The following ZNF385D variants were observed in gnomAD, a reference collection of about 807,000 sequenced individuals.
ZNF385D encodes the protein zinc finger protein 659.
Under a neutral mutation model 35.8 loss-of-function variants are expected in ZNF385D, and 15 were observed. The ratio of observed to expected loss-of-function variants is 0.42; its 90% CI spans 0.28 to 0.64. The LOEUF is 0.64. ZNF385D is among the 30% of genes least tolerant of loss of function. The pLI, the probability that ZNF385D is intolerant of heterozygous loss-of-function variation, is 0.23. For missense variants in ZNF385D, 474 were observed against 494.6 expected, an observed-to-expected ratio of 0.96 and a Z score of 0.39; for synonymous variants, 212 against 186.8, an observed-to-expected ratio of 1.13 and a Z score of -1.10.
chr3:22,195,573 G>A (rs183376691), intron 2 of ZNF385D, among the ~76,000 whole-genome samples: 1 of 151,874 alleles, frequency 6.6e-6, no homozygotes, highest in Admixed American at 6.6e-5. Flanking sequence ...TGAAATCTGT[G>A]GTCCAAACAT....
chr3:21,882,534 T>C (rs989166977), intron 3 of ZNF385D, among the ~76,000 whole-genome samples: 1 of 152,018 alleles, frequency 6.6e-6, no homozygotes, highest in African/African-American at 2.4e-5. Context: ...ACTCTCTTTA[T>C]TGTGATATTT....
At chr3:21,558,966 A>G (rs2062840665) in intron 3 of ZNF385D, among the ~76,000 whole-genome samples, 1 of 147,588 alleles carries the variant, frequency 6.8e-6, no homozygotes, top group African/African-American at 2.5e-5. Context: ...CTGTTTTATC[A>G]GATACTAGGA....
chr3:22,158,568 C>G (rs1315922562), intron 3 of ZNF385D, among the ~76,000 whole-genome samples: 1 of 150,996 alleles, frequency 6.6e-6, no homozygotes, highest in Non-Finnish European at 1.5e-5. Context: ...TGTATCTGGG[C>G]TGCTATTTTT....
At chr3:22,238,786 A>G (rs1431091796) in intron 2 of ZNF385D, among the ~76,000 whole-genome samples, 1 of 150,838 alleles carries the variant, frequency 6.6e-6, no homozygotes, top group African/African-American at 2.5e-5. Flanking sequence ...AGACTGAGGT[A>G]TAGTGTTGTG....
At chr3:21,724,604 A>G (rs190185433) in intron 1 of ZNF385D, among the ~76,000 whole-genome samples, 76 of 152,006 alleles carry the variant, frequency 5.0e-4, no homozygotes, top group Non-Finnish European at 8.7e-4. Flanking sequence ...ACATAAGGGT[A>G]AAGGGATCAA....
At chr3:21,698,161 A>G (rs1216603748) in intron 1 of ZNF385D, among the ~76,000 whole-genome samples, 2 of 152,210 alleles carry the variant, frequency 1.3e-5, no homozygotes, top group Non-Finnish European at 2.9e-5. Context: ...TGTTTATTGC[A>G]GCACTATTCA....
At chr3:21,629,392 T>G (rs2065220011) in intron 2 of ZNF385D, among the ~76,000 whole-genome samples, 2 of 152,136 alleles carry the variant, frequency 1.3e-5, no homozygotes, top group Non-Finnish European at 2.9e-5. Context: ...CCAGGCTTAT[T>G]TGTCTATTAC....
At chr3:21,501,788 C>T (rs1004200407) in intron 4 of ZNF385D, among the ~76,000 whole-genome samples, 3 of 152,172 alleles carry the variant, frequency 2.0e-5, no homozygotes, top group African/African-American at 7.2e-5. Flanking sequence ...AAAAACTCTC[C>T]ATGAACTCAC....
intron 3 of ZNF385D, among the ~76,000 whole-genome samples, chr3:21,528,229 T>C (rs988870128): frequency 5.3e-5 from 8 of 152,038 alleles, no homozygotes; most frequent in Non-Finnish European, 1.0e-4. Flanking sequence ...AGAGTATAAT[T>C]CCCACTTTCT....
intron 3 of ZNF385D, among the ~76,000 whole-genome samples, chr3:21,557,220 A>C (rs1396019534): frequency 6.6e-6 from 1 of 152,182 alleles, no homozygotes; most frequent in African/African-American, 2.4e-5. Flanking sequence ...GAGTGGTGAG[A>C]GAGGGCATCC....
At chr3:21,522,411 C>T (rs1030969423) in intron 3 of ZNF385D, among the ~76,000 whole-genome samples, 8 of 152,132 alleles carry the variant, frequency 5.3e-5, no homozygotes, top group Admixed American at 5.2e-4. Flanking sequence ...GATCTTGGCT[C>T]ATCACAGCAA....
intron 3 of ZNF385D, among the ~76,000 whole-genome samples, chr3:22,063,376 T>A (rs925950134): frequency 6.6e-6 from 1 of 152,250 alleles, no homozygotes; most frequent in East Asian, 1.9e-4. Flanking sequence ...TTAATAAAAA[T>A]TGAATAAAGC....
chr3:22,010,058 A>G (rs937694403), intron 3 of ZNF385D, among the ~76,000 whole-genome samples: 3 of 152,194 alleles, frequency 2.0e-5, no homozygotes, highest in African/African-American at 7.2e-5. Context: ...CCCACAATTA[A>G]GCTAATCATC....
At chr3:21,730,134 G>C (rs2068929738) in intron 1 of ZNF385D, among the ~76,000 whole-genome samples, 1 of 152,152 alleles carries the variant, frequency 6.6e-6, no homozygotes, top group South Asian at 2.1e-4. Context: ...ATTTGACCAT[G>C]GTCTTTCACC....
chr3:21,932,194 A>AAAAAAAAAG (rs1701047571), intron 3 of ZNF385D, among the ~76,000 whole-genome samples: 1 of 140,808 alleles, frequency 7.1e-6, no homozygotes, highest in Non-Finnish European at 1.5e-5. Context: ...AAAAAAAAAA[A>AAAAAAAAAG]GTGTGACTTG....
chr3:22,002,595 T>C (rs947049169), intron 3 of ZNF385D, among the ~76,000 whole-genome samples: 1 of 152,194 alleles, frequency 6.6e-6, no homozygotes, highest in Non-Finnish European at 1.5e-5. Context: ...AGCAGTATTC[T>C]GACACCAAAA....
chr3:22,269,523 T>G (rs1175600026), intron 2 of ZNF385D, among the ~76,000 whole-genome samples: 1 of 151,938 alleles, frequency 6.6e-6, no homozygotes, highest in Non-Finnish European at 1.5e-5. Context: ...GGCATGACTT[T>G]CTAGAGGTCA....
chr3:22,068,647 C>T (rs957782829), intron 3 of ZNF385D, among the ~76,000 whole-genome samples: 1 of 152,194 alleles, frequency 6.6e-6, no homozygotes, highest in African/African-American at 2.4e-5. Flanking sequence ...TTCTTTGGCT[C>T]TTCTTTTCCA....
chr3:21,632,785 A>C (rs2125838843), intron 2 of ZNF385D, among the ~76,000 whole-genome samples: 1 of 152,278 alleles, frequency 6.6e-6, no homozygotes, highest in South Asian at 2.1e-4. Context: ...GCAAAATAGA[A>C]ACCATTGTTT....
Sources: gnomAD v4.1 joint callset for allele counts (sites outside exome capture counted in the v4.1 genomes callset) on GRCh38, gnomAD v4.1.1 for gene constraint, MANE v1.5 for transcripts, NCBI Gene and HGNC (gene_info 2026-07-23, HGNC 2026-07-21) for gene names.